The following NOS1 variants were observed in gnomAD, a reference collection of about 807,000 sequenced individuals.
NOS1 encodes NOS type I.
A neutral mutation model predicts 164.5 loss-of-function variants in NOS1; 51 were observed. The ratio of observed to expected loss-of-function variants is 0.31; its 90% CI spans 0.25 to 0.39. NOS1 has a LOEUF of 0.39. NOS1 is among the 10% of genes least tolerant of loss of function. The pLI is 1.00. For missense variants in NOS1, 1,362 were observed against 1,885.6 expected (o/e 0.72, Z 5.14); for synonymous variants, 719 against 745.8 (o/e 0.96, Z 0.59).
intron 25 of NOS1, 57 bp downstream of exon 25, chr12:117,224,959 G>A (rs1868522577): frequency 1.2e-6 from 2 of 1,610,194 alleles, no homozygotes; most frequent in Non-Finnish European, 8.5e-7. Context: ...CTGAGACACA[G>A]CTGGACCTCC....
intron 22 of NOS1, among the ~76,000 whole-genome samples, chr12:117,231,655 A>T (rs547757224): frequency 6.6e-6 from 1 of 152,362 alleles, no homozygotes; most frequent in South Asian, 2.1e-4. Context: ...TTTTCTCCTA[A>T]GCATGGGCTA....
At chr12:117,351,173 A>C (rs868521486) in intron 1 of NOS1, among the ~76,000 whole-genome samples, 1 of 152,112 alleles carries the variant, frequency 6.6e-6, no homozygotes, top group African/African-American at 2.4e-5. Flanking sequence ...GGGTTTGGCC[A>C]ATGGGATGTG....
chr12:117,214,016 T>C lies in NOS1; in HGVS notation c.*1293A>G, dbSNP rs1472791544. On this transcript the variant is annotated 3_prime_UTR_variant, in exon 29 of 29. Transcript: ENST00000317775. ...AATTAATTTAACAGGTTTAAAACTT[T>C]GGAGATCAACTGCAGAGGGCAACAA... 1.0e-6 allele frequency: 1 copy of C among 985,288 alleles called. No homozygotes were observed. The highest frequency in any genetic ancestry group is 1.7e-5 in the African/African-American group (1 of 57,234). The allele number at this position is 985,288 out of a possible 1,614,324, so 61.0% of individuals were successfully genotyped here. A position where few individuals can be genotyped will look rare whatever the true frequency, so the allele number is the denominator to read the frequency against.
At chr12:117,260,256 G>A (rs1052244279) in intron 14 of NOS1, among the ~76,000 whole-genome samples, 2 of 152,154 alleles carry the variant, frequency 1.3e-5, no homozygotes, top group African/African-American at 4.8e-5. Flanking sequence ...TCTAAAGAGG[G>A]GAATTTCATT....
At chr12:117,290,500 G>C (rs1243188381) in intron 3 of NOS1, 74 bp from the exon 4 acceptor site, 1 of 1,515,426 alleles carries the variant, frequency 6.6e-7, no homozygotes, top group Admixed American at 1.9e-5. Flanking sequence ...ACAGAGGCTG[G>C]GAGAGCCATT....
chr12:117,279,828 A>G (rs1476040469), intron 8 of NOS1, among the ~76,000 whole-genome samples: 2 of 152,224 alleles, frequency 1.3e-5, no homozygotes, highest in East Asian at 3.8e-4. Flanking sequence ...CCCTGGTTAC[A>G]GTCCCCTCCT....
chr12:117,337,892 AAC>A (rs1468249206), intron 1 of NOS1, among the ~76,000 whole-genome samples: 1 of 152,094 alleles, frequency 6.6e-6, no homozygotes, highest in Non-Finnish European at 1.5e-5. Flanking sequence ...CAGCCTGTGC[AAC>A]ATAGTGATAT....
intron 3 of NOS1, among the ~76,000 whole-genome samples, chr12:117,293,157 G>C (rs960773980): frequency 1.3e-5 from 2 of 152,202 alleles, no homozygotes; most frequent in Non-Finnish European, 2.9e-5. Context: ...ATGGCGCCAT[G>C]TTGGAGCCTG....
chr12:117,300,566 G>A (rs938947815), intron 3 of NOS1, among the ~76,000 whole-genome samples: 1 of 152,134 alleles, frequency 6.6e-6, no homozygotes, highest in African/African-American at 2.4e-5. Flanking sequence ...GAAGGAAGAT[G>A]CCTCTGGGAT....
intron 3 of NOS1, among the ~76,000 whole-genome samples, chr12:117,296,020 A>T (rs1305944805): frequency 6.6e-6 from 1 of 151,762 alleles, no homozygotes; most frequent in Non-Finnish European, 1.5e-5. Context: ...ACTTAACACT[A>T]CCTGTGGTCA....
At chr12:117,348,353 G>C (rs958186368) in intron 1 of NOS1, 1 of 152,044 alleles carries the variant, frequency 6.6e-6, no homozygotes, top group Non-Finnish European at 1.5e-5. Flanking sequence ...CACGTGACTC[G>C]GTCAAGGGCT....
At position 117,330,718 on chromosome 12, in the gene NOS1, T is replaced by TG; in HGVS notation, c.351dup (p.Lys118GlnfsTer48). 6.2e-7 allele frequency: 1 copy of TG among 1,613,892 alleles called. No homozygotes were observed. The highest frequency in any genetic ancestry group is 8.5e-7 in the Non-Finnish European group (1 of 1,179,890). ...AGGGGCTGTGTCACCCGGATGGTCT[T>TG]GGGGGTCCCATCACCTGTAAAGGTG... On this transcript the variant is annotated frameshift_variant, in exon 2 of 29. Coordinates refer to ENST00000317775, the MANE Select transcript of NOS1 (RefSeq NM_000620.5). LOFTEE classifies it high-confidence loss of function. The surrounding 1 kb of genome is among the most constrained non-coding windows in gnomAD (Gnocchi z 4.6).
intron 2 of NOS1, among the ~76,000 whole-genome samples, chr12:117,322,452 C>T (rs1875012387): frequency 7.0e-6 from 1 of 142,402 alleles, no homozygotes; most frequent in Non-Finnish European, 1.5e-5. Context: ...TTCCCTCCAT[C>T]CTTCTTCCCT....
chr12:117,249,186 A>G (rs1293240403), intron 17 of NOS1, among the ~76,000 whole-genome samples: 1 of 152,166 alleles, frequency 6.6e-6, no homozygotes, highest in African/African-American at 2.4e-5. Context: ...CTGAACTAAT[A>G]TATCTGGTAT....
At chr12:117,338,573 C>A (rs1299736437) in intron 1 of NOS1, among the ~76,000 whole-genome samples, 1 of 151,856 alleles carries the variant, frequency 6.6e-6, no homozygotes. Flanking sequence ...TGTAACTAAC[C>A]TGCACATTGT....
At position 117,243,548 on chromosome 12, in the gene NOS1, A is replaced by ACCATCCATCCATCCAT. The variant is rs34385734; in HGVS notation, c.2824-129_2824-114dup. On this transcript the variant is annotated intron_variant, in intron 18 of 28. Coordinates refer to ENST00000317775, the MANE Select transcript of NOS1 (RefSeq NM_000620.5). This position sits in a 1 kb window ranked among gnomAD's most constrained non-coding sequence, Gnocchi z 4.3. ...ATTCACCCATCCATCCATCTATCCA[A>ACCATCCATCCATCCAT]CCATCCATCCATCCATCCATCCATC... 135 of 587,954 alleles carry ACCATCCATCCATCCAT rather than the reference A, an allele frequency of 2.3e-4. 2 individuals carry two copies. Among genetic ancestry groups the ACCATCCATCCATCCAT allele is most frequent in the East Asian group, 1.4e-3 (44 of 31,660 alleles). The allele number at this position is 587,954 out of a possible 1,614,324, so 36.4% of individuals were successfully genotyped here.
chr12:117,315,398 G>C (rs1874626891), intron 2 of NOS1, among the ~76,000 whole-genome samples: 1 of 151,990 alleles, frequency 6.6e-6, no homozygotes, highest in Non-Finnish European at 1.5e-5. Context: ...ATTTTTAGTA[G>C]AGACAGGATT....
At chr12:117,238,973 A>C (rs12312476) in intron 20 of NOS1, among the ~76,000 whole-genome samples, 8,624 of 152,290 alleles carry the variant, frequency 0.057, 395 homozygotes, top group South Asian at 0.13. Flanking sequence ...TGGCTATTCC[A>C]GTCACTCCGA....
intron 2 of NOS1, among the ~76,000 whole-genome samples, chr12:117,312,203 C>T (rs1279656606): frequency 1.3e-5 from 2 of 152,084 alleles, no homozygotes; most frequent in African/African-American, 4.8e-5. Context: ...TTACTATGTG[C>T]CAAGGACTTT....
Sources: allele counts gnomAD v4.1 joint callset (sites outside exome capture counted in the v4.1 genomes callset), GRCh38; gene constraint gnomAD v4.1.1; non-coding constraint Gnocchi (gnomAD v3.1); transcripts MANE v1.5; gene names NCBI Gene and HGNC (gene_info 2026-07-23, HGNC 2026-07-21).